Variants in SAMMSON observed in about 807,000 individuals in gnomAD.
The protein encoded by SAMMSON is long intergenic non-protein coding RNA 1212.
At chr3:70,127,100 A>G (rs987266553) in intron 4 of SAMMSON, 14 of 152,300 alleles carry the variant, frequency 9.2e-5, no homozygotes, top group African/African-American at 2.9e-4. Flanking sequence ...TATGTGAACG[A>G]ATGTTTTAAA....
intron 4 of SAMMSON, among the ~76,000 whole-genome samples, chr3:70,103,533 C>T (rs1027084229): frequency 1.3e-5 from 2 of 152,102 alleles, no homozygotes; most frequent in Non-Finnish European, 2.9e-5. Flanking sequence ...ATTAGATTCT[C>T]AAAAAGTCTG....
intron 9 of SAMMSON, among the ~76,000 whole-genome samples, chr3:70,373,957 T>G (rs1300670633): frequency 6.6e-6 from 1 of 152,164 alleles, no homozygotes; most frequent in African/African-American, 2.4e-5. Context: ...TCTTGTTGCC[T>G]AGGCAGGAGT....
chr3:70,320,841 G>A (rs928739821), intron 7 of SAMMSON, among the ~76,000 whole-genome samples: 4 of 152,080 alleles, frequency 2.6e-5, no homozygotes, highest in African/African-American at 9.7e-5. Flanking sequence ...TTTGGAATGC[G>A]AGAAAATAGA....
At chr3:70,311,834 A>C (rs1472913025) in intron 7 of SAMMSON, 1 of 396,598 alleles carries the variant, frequency 2.5e-6, no homozygotes, top group Non-Finnish European at 4.4e-6. Flanking sequence ...CTTGCTTATA[A>C]ACAAAAGCAA....
At chr3:70,244,800 C>T (rs148029671) in intron 4 of SAMMSON, among the ~76,000 whole-genome samples, 337 of 152,314 alleles carry the variant, frequency 2.2e-3, no homozygotes, top group African/African-American at 7.4e-3. Flanking sequence ...ACACATACGT[C>T]TCTATGTATA....
chr3:70,119,905 A>G (rs1313748441), intron 4 of SAMMSON, among the ~76,000 whole-genome samples: 1 of 152,238 alleles, frequency 6.6e-6, no homozygotes, highest in Non-Finnish European at 1.5e-5. Flanking sequence ...TTTAAATGTA[A>G]TAGAATTTTA....
chr3:70,418,618 A>G (rs143501937), intron 2 of SAMMSON, among the ~76,000 whole-genome samples: 82 of 152,270 alleles, frequency 5.4e-4, no homozygotes, highest in African/African-American at 1.9e-3. Context: ...TCTCTCAGCC[A>G]ATGTCTCTGT....
intron 3 of SAMMSON, among the ~76,000 whole-genome samples, chr3:70,063,099 C>T (rs73836044): frequency 0.015 from 2,296 of 151,344 alleles, 49 homozygotes; most frequent in African/African-American, 0.043. Context: ...CCCCCACCCC[C>T]GCCGCATTGA....
At chr3:70,180,001 C>CGT (rs1250883951) in intron 4 of SAMMSON, among the ~76,000 whole-genome samples, 3 of 73,094 alleles carry the variant, frequency 4.1e-5, no homozygotes, top group East Asian at 4.7e-4. Context: ...ACCTGTGCTT[C>CGT]GTATGTGTGT....
intron 6 of SAMMSON, among the ~76,000 whole-genome samples, chr3:70,274,090 T>TGTGTGTGTGTGC (rs770689062): frequency 9.0e-5 from 13 of 144,970 alleles, no homozygotes; most frequent in Non-Finnish European, 1.6e-4. Flanking sequence ...TGTGTGTGTG[T>TGTGTGTGTGTGC]GCGCGCGCGC....
chr3:70,426,875 C>T (rs1471245088), intron 2 of SAMMSON, among the ~76,000 whole-genome samples: 1 of 152,178 alleles, frequency 6.6e-6, no homozygotes, highest in Non-Finnish European at 1.5e-5. Context: ...GAAGCGTGCT[C>T]AGTCTGAGTT....
intron 3 of SAMMSON, among the ~76,000 whole-genome samples, chr3:70,029,364 ATG>A (rs1311500016): frequency 6.6e-6 from 1 of 152,140 alleles, no homozygotes; most frequent in Admixed American, 6.5e-5. Context: ...TCTTAGTTTA[ATG>A]TCCCTTCAAA....
At chr3:70,019,169 G>A (rs1206265920) in intron 3 of SAMMSON, among the ~76,000 whole-genome samples, 4 of 152,148 alleles carry the variant, frequency 2.6e-5, no homozygotes, top group South Asian at 2.1e-4. Context: ...TGTGTCTAAT[G>A]TTGACAGTGG....
intron 4 of SAMMSON, chr3:70,120,165 GAAGAA>G (rs1221049962): frequency 6.6e-6 from 1 of 152,116 alleles, no homozygotes; most frequent in Non-Finnish European, 1.5e-5. Context: ...CATGAAGTAC[GAAGAA>G]AACAGTTCAA....
intron 4 of SAMMSON, among the ~76,000 whole-genome samples, chr3:70,236,656 C>T (rs1224478225): frequency 6.6e-6 from 1 of 152,078 alleles, no homozygotes; most frequent in Non-Finnish European, 1.5e-5. Flanking sequence ...AGTGCAGCGG[C>T]ACAATCATGG....
At position 70,194,560 on chromosome 3, in the gene SAMMSON, T is replaced by C. The variant is rs1299039043; in HGVS notation, n.508-54547T>C. Among the ~76,000 whole-genome samples, 3 of 152,310 alleles carry C rather than the reference T, an allele frequency of 2.0e-5. No individual in the cohort carries two copies. The East Asian group carries it at 5.8e-4, about 29-fold the overall frequency. On this transcript the variant is annotated intron_variant and non_coding_transcript_variant, in intron 4 of 9. Transcript: ENST00000642114. ...TTTGTATAACCGACCCTTTCTGTTA[T>C]AGCACAGTGAATTCTGAAAGTGAGG...
intron 3 of SAMMSON, among the ~76,000 whole-genome samples, chr3:70,051,677 T>C (rs2067146797): frequency 6.6e-6 from 1 of 151,918 alleles, no homozygotes; most frequent in South Asian, 2.1e-4. Flanking sequence ...TACAATGTTA[T>C]TTAGGTTAAA....
At chr3:70,052,205 A>G (rs1310672037) in intron 3 of SAMMSON, among the ~76,000 whole-genome samples, 1 of 152,168 alleles carries the variant, frequency 6.6e-6, no homozygotes, top group Non-Finnish European at 1.5e-5. Context: ...AAAATAAAGT[A>G]TTACCCACAA....
intron 4 of SAMMSON, among the ~76,000 whole-genome samples, chr3:70,212,539 T>C (rs1426424029): frequency 6.6e-6 from 1 of 152,156 alleles, no homozygotes; most frequent in Non-Finnish European, 1.5e-5. Context: ...AGTCCGTGTC[T>C]GCTTTTTCAT....
Sources: gnomAD v4.1 joint callset for allele counts (sites outside exome capture counted in the v4.1 genomes callset) on GRCh38, gnomAD v4.1.1 for gene constraint, MANE v1.5 for transcripts, NCBI Gene and HGNC (gene_info 2026-07-23, HGNC 2026-07-21) for gene names.